Variants in IGSF10 observed in about 807,000 individuals in gnomAD.
The protein encoded by IGSF10 is immunoglobulin superfamily member 10.
Under a neutral mutation model 128.2 loss-of-function variants are expected in IGSF10, and 126 were observed. The observed-to-expected ratio is 0.98, with a 90% CI of 0.85 to 1.14. The LOEUF is 1.14. Among genes scored for constraint, IGSF10 ranks in the 50% most tolerant of loss-of-function variants. The probability of loss-of-function intolerance (pLI) is 0.00; values close to 1 mark genes in which losing one functional copy is unlikely to be tolerated. For synonymous variants in IGSF10, 1,185 were observed against 1,146.2 expected (o/e 1.03, Z -0.68); for missense variants, 3,295 against 3,149.8 (o/e 1.05, Z -1.10).
the IGSF10 span, among the ~76,000 whole-genome samples, chr3:151,568,280 A>G: frequency 6.6e-6 from 1 of 152,204 alleles, no homozygotes; most frequent in Non-Finnish European, 1.5e-5. Flanking sequence ...TCACAGGCAC[A>G]CTGTTTTACT....
At chr3:151,470,222 G>A in the IGSF10 span, among the ~76,000 whole-genome samples, 1 of 152,100 alleles carries the variant, frequency 6.6e-6, no homozygotes, top group Non-Finnish European at 1.5e-5. Context: ...GCTCTGTAAT[G>A]GACTCAGTTT....
the IGSF10 span, among the ~76,000 whole-genome samples, chr3:151,491,733 A>G: frequency 0.86 from 130,399 of 152,196 alleles, 56,083 homozygotes; most frequent in Middle Eastern, 0.95. Flanking sequence ...TCAAAGAAGA[A>G]TATCAGTATT....
chr3:151,523,979 T>C, the IGSF10 span, among the ~76,000 whole-genome samples: 33 of 152,004 alleles, frequency 2.2e-4, no homozygotes, highest in Admixed American at 3.9e-4. Flanking sequence ...CAAAACCCCA[T>C]TAAAACGTGG....
the IGSF10 span, among the ~76,000 whole-genome samples, chr3:151,541,698 T>C: frequency 6.6e-6 from 1 of 152,202 alleles, no homozygotes; most frequent in East Asian, 1.9e-4. Context: ...TCCTCATGTC[T>C]TATGAAATTC....
the IGSF10 span, among the ~76,000 whole-genome samples, chr3:151,490,360 G>A: frequency 6.6e-6 from 1 of 152,156 alleles, no homozygotes; most frequent in Non-Finnish European, 1.5e-5. Flanking sequence ...ACCCAACATT[G>A]TAGAACCTAA....
chr3:151,562,371 C>T, the IGSF10 span, among the ~76,000 whole-genome samples: 2 of 152,134 alleles, frequency 1.3e-5, no homozygotes, highest in African/African-American at 4.8e-5. Flanking sequence ...CAGCAGCCCT[C>T]GGAGCTGCTC....
chr3:151,614,184 G>A, the IGSF10 span, among the ~76,000 whole-genome samples: 15 of 152,198 alleles, frequency 9.9e-5, no homozygotes, highest in South Asian at 8.3e-4. Flanking sequence ...GGTGCTGGAG[G>A]GGATGTGGAG....
the IGSF10 span, among the ~76,000 whole-genome samples, chr3:151,541,102 AC>A: frequency 4.6e-5 from 7 of 152,234 alleles, no homozygotes; most frequent in Non-Finnish European, 1.0e-4. Flanking sequence ...GGTTAAAAAA[AC>A]AAACCTTAAA....
the IGSF10 span, among the ~76,000 whole-genome samples, chr3:151,531,139 C>T: frequency 6.6e-6 from 1 of 152,146 alleles, no homozygotes; most frequent in African/African-American, 2.4e-5. Flanking sequence ...GAAGAACTAA[C>T]TATCCTAAAT....
the IGSF10 span, among the ~76,000 whole-genome samples, chr3:151,505,858 G>A: frequency 3.8e-3 from 580 of 152,272 alleles, 2 homozygotes; most frequent in African/African-American, 0.013. Flanking sequence ...GGCTTAATTA[G>A]TGTTCCATCC....
rs142705473 is a variant in IGSF10, at chr3:151,437,815, G to T, written c.6746C>A (p.Ala2249Asp). The T allele has an allele frequency of 6.2e-5, 100 of 1,613,728 alleles. No homozygotes were observed. The African/African-American group carries it at 1.2e-3, about 19-fold the overall frequency. Residue 2249 changes from alanine to aspartate, a missense_variant, in exon 8 of 8, where the codon GCC becomes GAC. Coordinates refer to ENST00000282466, the MANE Select transcript of IGSF10 (RefSeq NM_178822.5). ...GLYTNRTVIK[A>D]TAVRHSKKHF... ...TTTTTTGGAATGTCTCACAGCTGTG[G>T]CTTTAATAACAGTTCTGTTTGTATA...
At chr3:151,605,969 T>C in the IGSF10 span, among the ~76,000 whole-genome samples, 2 of 152,192 alleles carry the variant, frequency 1.3e-5, no homozygotes, top group Admixed American at 1.3e-4. Context: ...AGGACTTGTT[T>C]CTATAAGTTC....
At position 151,443,670 on chromosome 3, in the gene IGSF10, G is replaced by A. The variant is rs200610854; in HGVS notation, c.5277C>T (p.Ser1759=). Residue 1759 remains serine, a synonymous_variant, in exon 7 of 8, where the codon TCC becomes TCT. Coordinates refer to ENST00000282466, the MANE Select transcript of IGSF10 (RefSeq NM_178822.5). ...TGCACTTCAGTTCCACAGTGCTTCC[G>A]GAATGAACTGTGATCTCTTTGGTAC... ...ERRTKEITVH[S]GSTVELKCRA... is the part of the protein sequence containing the mutation. 2.6e-4 allele frequency: 426 copies of A among 1,614,140 alleles called. No individual in the cohort carries two copies. The highest frequency in any genetic ancestry group is 1.1e-3 in the South Asian group (99 of 91,074).
chr3:151,601,499 T>G, the IGSF10 span, among the ~76,000 whole-genome samples: 1 of 152,188 alleles, frequency 6.6e-6, no homozygotes, highest in Admixed American at 6.5e-5. Flanking sequence ...AAAAACACAC[T>G]TAACAAATAA....
At chr3:151,496,334 G>C in the IGSF10 span, among the ~76,000 whole-genome samples, 2 of 149,726 alleles carry the variant, frequency 1.3e-5, no homozygotes, top group Non-Finnish European at 3.0e-5. Context: ...ATCTCCTAAT[G>C]CTATCCTTCC....
At chr3:151,518,591 G>A in the IGSF10 span, among the ~76,000 whole-genome samples, 1 of 152,018 alleles carries the variant, frequency 6.6e-6, no homozygotes, top group Non-Finnish European at 1.5e-5. Context: ...TGTTGACAGA[G>A]AGGGTGTTTT....
chr3:151,509,266 T>G, the IGSF10 span, among the ~76,000 whole-genome samples: 1 of 152,202 alleles, frequency 6.6e-6, no homozygotes, highest in South Asian at 2.1e-4. Context: ...CAGATTTTCA[T>G]GCTTAATCAG....
the IGSF10 span, among the ~76,000 whole-genome samples, chr3:151,516,132 G>A: frequency 6.6e-6 from 1 of 151,952 alleles, no homozygotes; most frequent in Non-Finnish European, 1.5e-5. Flanking sequence ...CGCTACAGCA[G>A]AACTTCAGGA....
At position 151,448,211 on chromosome 3, in the gene IGSF10, T is replaced by C. The variant is rs775143425; in HGVS notation, c.1770A>G (p.Thr590=). The change falls in exon 6 of 8, where the codon ACA becomes ACG. Residue 590 remains threonine, a synonymous_variant. Coordinates refer to ENST00000282466, the MANE Select transcript of IGSF10 (RefSeq NM_178822.5). The part of the protein sequence containing the change: ...GIHHTVFIGE[T]LDLPCHSTGI... ...CAGTAGAATGGCATGGAAGATCAAG[T>C]GTTTCACCAATGAAAACTGTGTGAT... 4 of 1,614,080 alleles carry C rather than the reference T, an allele frequency of 2.5e-6. No individual in the cohort carries two copies. The African/African-American group carries it at 5.3e-5, about 22-fold the overall frequency.
Sources: allele counts gnomAD v4.1 joint callset (sites outside exome capture counted in the v4.1 genomes callset), GRCh38; gene constraint gnomAD v4.1.1; transcripts MANE v1.5; gene names NCBI Gene and HGNC (gene_info 2026-07-23, HGNC 2026-07-21).